The following TTLL5 variants were observed in gnomAD, a reference collection of about 807,000 sequenced individuals.
The protein encoded by TTLL5 is tubulin tyrosine ligase like 5, also known as tubulin polyglutamylase TTLL5.
In TTLL5, 132 loss-of-function variants were observed where a neutral mutation model predicts 168.4. That is an observed-to-expected ratio of 0.78 (90% CI 0.68 to 0.91). The LOEUF is 0.91. Ranked by LOEUF, TTLL5 falls within the 40% of genes least tolerant of loss-of-function variation. The probability of loss-of-function intolerance (pLI) is 0.00; values close to 1 mark genes in which losing one functional copy is unlikely to be tolerated. For missense variants in TTLL5, 1,545 were observed against 1,581.5 expected, an observed-to-expected ratio of 0.98 and a Z score of 0.39; for synonymous variants, 546 against 558.6, an observed-to-expected ratio of 0.98 and a Z score of 0.32.
chr14:75,798,114 A>G (rs143928165), intron 27 of TTLL5, among the ~76,000 whole-genome samples: 117 of 152,080 alleles, frequency 7.7e-4, no homozygotes, highest in Middle Eastern at 3.4e-3. Flanking sequence ...TGCCATTTCA[A>G]TATTGCTGCT....
chr14:75,764,568 G>A, intron 18 of TTLL5, 47 bp from the exon 19 acceptor site: 1 of 1,606,818 alleles, frequency 6.2e-7, no homozygotes, highest in Middle Eastern at 1.7e-4. Flanking sequence ...TGGAATGAAG[G>A]AGAGAACTTT....
At chr14:75,896,380 G>A (rs143922003) in intron 30 of TTLL5, among the ~76,000 whole-genome samples, 11 of 152,228 alleles carry the variant, frequency 7.2e-5, no homozygotes, top group African/African-American at 2.6e-4. Flanking sequence ...TTATAAAAAC[G>A]ATCAGGTTTG....
chr14:75,742,214 A>G (rs375319371), intron 15 of TTLL5, among the ~76,000 whole-genome samples: 6 of 152,146 alleles, frequency 3.9e-5, no homozygotes, highest in South Asian at 4.1e-4. Flanking sequence ...AAAGATACCT[A>G]TTTTTATTAT....
chr14:75,937,310 T>G (rs1055357202), intron 31 of TTLL5, among the ~76,000 whole-genome samples: 1 of 151,180 alleles, frequency 6.6e-6, no homozygotes, highest in Non-Finnish European at 1.5e-5. Flanking sequence ...GTATTTTTAG[T>G]AGAGACGGGG....
chr14:75,860,380 T>C (rs759084711), intron 28 of TTLL5, among the ~76,000 whole-genome samples: 4 of 152,224 alleles, frequency 2.6e-5, no homozygotes, highest in Non-Finnish European at 2.9e-5. Context: ...AAACAGCTTT[T>C]AGCAAATGAA....
At chr14:75,799,753 T>G (rs914435444) in intron 27 of TTLL5, among the ~76,000 whole-genome samples, 2 of 152,238 alleles carry the variant, frequency 1.3e-5, no homozygotes, top group African/African-American at 4.8e-5. Context: ...ACAAGATTGT[T>G]GGCTGATAAT....
intron 31 of TTLL5, among the ~76,000 whole-genome samples, chr14:75,909,274 C>G (rs2033270604): frequency 1.3e-5 from 2 of 149,128 alleles, no homozygotes; most frequent in African/African-American, 5.0e-5. Flanking sequence ...CCAAAATTTC[C>G]CCTGCCCTAA....
intron 6 of TTLL5, among the ~76,000 whole-genome samples, chr14:75,695,931 T>C (rs2140147973): frequency 7.2e-6 from 1 of 138,056 alleles, no homozygotes; most frequent in African/African-American, 2.6e-5. Context: ...CCCCAGGGTC[T>C]TGTTCTCTCA....
chr14:75,760,323 C>T (rs1890552290), intron 18 of TTLL5, among the ~76,000 whole-genome samples: 2 of 151,890 alleles, frequency 1.3e-5, no homozygotes, highest in South Asian at 4.1e-4. Context: ...TTAAATATTA[C>T]TGAAAGAAAT....
At chr14:75,821,715 G>A (rs1217082400) in intron 28 of TTLL5, among the ~76,000 whole-genome samples, 1 of 152,180 alleles carries the variant, frequency 6.6e-6, no homozygotes, top group Admixed American at 6.5e-5. Flanking sequence ...GGTTAAGGAT[G>A]TGCCAGGACC....
rs1386915070 is a variant in TTLL5, at chr14:75,882,961, CTTTA to C, written c.3740+66_3740+69del. The C allele has an allele frequency of 1.8e-4, 277 of 1,541,878 alleles. No individual in the cohort carries two copies. The South Asian group carries it at 2.9e-3, about 16-fold the overall frequency. The stretch of plus-strand genomic sequence containing the variant: ...TTATCAGTTCTAAGCTAATAGTACT[CTTTA>C]TTTATTACTCTTCAAGACCGTTCGT... On this transcript the variant is annotated intron_variant, in intron 30 of 31. Coordinates refer to ENST00000298832, the MANE Select transcript of TTLL5 (RefSeq NM_015072.5).
chr14:75,752,933 G>A lies in TTLL5; in HGVS notation c.1528G>A (p.Ala510Thr), dbSNP rs1333627376. 1.2e-6 allele frequency: 2 copies of A among 1,613,040 alleles called. No homozygotes were observed. The part of the protein sequence containing the change: ...EHKTSMNYML[A>T]TRLFQDRMTA... ...TAAGACCTCAATGAACTATATGCTG[G>A]CAACACGCCTCTTCCAGGACAGGTA... is the stretch of plus-strand genomic sequence containing the variant. Residue 510 changes from alanine to threonine, a missense_variant, in exon 18 of 32, where the codon GCA becomes ACA. Transcript: ENST00000298832.
At chr14:75,874,386 C>G (rs114173008) in intron 29 of TTLL5, among the ~76,000 whole-genome samples, 49 of 152,302 alleles carry the variant, frequency 3.2e-4, no homozygotes, top group African/African-American at 1.1e-3. Flanking sequence ...GCCACCGCAC[C>G]TGGCCTAAAT....
intron 7 of TTLL5, 88 bp downstream of exon 7, chr14:75,699,358 C>A: frequency 8.6e-7 from 1 of 1,163,542 alleles, no homozygotes; most frequent in Non-Finnish European, 1.3e-6. Context: ...AGTTCCATTT[C>A]ATTAAGAGCA....
At chr14:75,867,220 A>T (rs1170412177) in intron 29 of TTLL5, among the ~76,000 whole-genome samples, 1 of 152,178 alleles carries the variant, frequency 6.6e-6, no homozygotes, top group Non-Finnish European at 1.5e-5. Flanking sequence ...ATGTACAAAA[A>T]CAGGCAATGG....
chr14:75,713,660 C>T (rs1436070589), intron 9 of TTLL5, among the ~76,000 whole-genome samples: 1 of 152,162 alleles, frequency 6.6e-6, no homozygotes. Flanking sequence ...AACATAAATG[C>T]TCACAAGTAC....
At chr14:75,741,010 T>A (rs903131748) in intron 15 of TTLL5, among the ~76,000 whole-genome samples, 1 of 152,240 alleles carries the variant, frequency 6.6e-6, no homozygotes, top group Non-Finnish European at 1.5e-5. Flanking sequence ...TTCTCATCAT[T>A]GGTACTTGCC....
chr14:75,726,960 TA>T (rs1888224537), intron 12 of TTLL5, among the ~76,000 whole-genome samples: 1 of 152,172 alleles, frequency 6.6e-6, no homozygotes, highest in Non-Finnish European at 1.5e-5. Flanking sequence ...ATGACTGACT[TA>T]AAATCTTCTA....
At chr14:75,857,591 T>A (rs79827782) in intron 28 of TTLL5, among the ~76,000 whole-genome samples, 3 of 152,050 alleles carry the variant, frequency 2.0e-5, no homozygotes, top group Non-Finnish European at 1.5e-5. Flanking sequence ...CTGCTCTTTT[T>A]TGGAAGAGTT....
Sources: gnomAD v4.1 joint callset for allele counts (sites outside exome capture counted in the v4.1 genomes callset) on GRCh38, gnomAD v4.1.1 for gene constraint, MANE v1.5 for transcripts, NCBI Gene and HGNC (gene_info 2026-07-23, HGNC 2026-07-21) for gene names.